NTN1: variants seen among roughly 807,000 people sequenced by gnomAD.
NTN1 encodes netrin-1.
In NTN1, 11 loss-of-function variants were observed where a neutral mutation model predicts 54.2. The ratio of observed to expected loss-of-function variants is 0.20; its 90% CI spans 0.13 to 0.34. NTN1 has a LOEUF of 0.34. Ranked by LOEUF, NTN1 falls within the 10% of genes least tolerant of loss-of-function variation. NTN1 has a pLI of 1.00. For missense variants in NTN1, 740 were observed against 893.1 expected (o/e 0.83, Z 2.18); for synonymous variants, 371 against 382.0 (o/e 0.97, Z 0.33).
intron 2 of NTN1, among the ~76,000 whole-genome samples, chr17:9,062,186 A>G (rs2092001020): frequency 6.6e-6 from 1 of 152,190 alleles, no homozygotes; most frequent in African/African-American, 2.4e-5. Flanking sequence ...GGGCATTGTA[A>G]TATTTTGATG....
chr17:9,022,312 C>A lies in NTN1; in HGVS notation c.-62C>A, dbSNP rs962908895. ...AGCGCAGCTCCCTTCTCTCCGCAGG[C>A]GCCTTCTGCGGCAGGCGGACAGATC... On this transcript the variant is annotated splice_region_variant and 5_prime_UTR_variant, in exon 2 of 7. Transcript: ENST00000173229. The A allele has an allele frequency of 1.0e-5, 13 of 1,260,282 alleles. No homozygotes were observed. The highest frequency in any genetic ancestry group is 1.6e-5 in the African/African-American group (1 of 64,040). The allele number at this position is 1,260,282 out of a possible 1,614,324, so 78.1% of individuals were successfully genotyped here. A position where few individuals can be genotyped will look rare whatever the true frequency, so the allele number is the denominator to read the frequency against.
intron 3 of NTN1, chr17:9,171,263 C>A (rs1014897937): frequency 2.0e-5 from 3 of 152,134 alleles, no homozygotes; most frequent in African/African-American, 4.8e-5. Context: ...CATTGGATTG[C>A]GGATGACCTA....
rs77098656 is a variant in NTN1, at chr17:9,045,506, T to C, written c.1018+22115T>C. ...CTTCACGCCTGCCTCCATTTCTCCT[T>C]ATCCTTCTGCCAAGGGGTGATTAAT... is the stretch of plus-strand genomic sequence containing the variant. On this transcript the variant is annotated intron_variant, in intron 2 of 6. Transcript: ENST00000173229. 1.0e-2 allele frequency among the ~76,000 whole-genome samples: 1,519 copies of C among 152,298 alleles called. 26 individuals carry two copies. Among genetic ancestry groups the C allele is most frequent in the African/African-American group, 0.032 (1,337 of 41,556 alleles).
At chr17:9,092,319 C>CTTTTTTTTT (rs148786553) in intron 2 of NTN1, among the ~76,000 whole-genome samples, 6 of 91,710 alleles carry the variant, frequency 6.5e-5, no homozygotes, top group Non-Finnish European at 1.0e-4. Context: ...CTTTTCTTCT[C>CTTTTTTTTT]TTTTTTTTTT....
intron 2 of NTN1, among the ~76,000 whole-genome samples, chr17:9,031,632 T>C (rs1327752741): frequency 6.6e-6 from 1 of 152,166 alleles, no homozygotes; most frequent in African/African-American, 2.4e-5. Context: ...GTGGCTCTGT[T>C]TGGTCTGGGC....
intron 2 of NTN1, among the ~76,000 whole-genome samples, chr17:9,060,874 G>C (rs1389404719): frequency 6.6e-5 from 10 of 150,874 alleles, no homozygotes; most frequent in Non-Finnish European, 1.5e-5. Flanking sequence ...TACTCGGGAG[G>C]CTGAGGCAGG....
At chr17:9,164,236 C>G (rs1473613998) in intron 3 of NTN1, among the ~76,000 whole-genome samples, 1 of 152,148 alleles carries the variant, frequency 6.6e-6, no homozygotes, top group Non-Finnish European at 1.5e-5. Flanking sequence ...ACCAGCCTGC[C>G]TAACATGGTG....
At chr17:9,162,696 C>T (rs1272647074) in intron 2 of NTN1, 117 bp from the exon 3 acceptor site, 7 of 953,546 alleles carry the variant, frequency 7.3e-6, no homozygotes, top group Non-Finnish European at 1.1e-5. Context: ...AGTCTGCCTG[C>T]CTGGCTCTGC....
At chr17:9,032,680 G>C (rs988042003) in intron 2 of NTN1, among the ~76,000 whole-genome samples, 4 of 152,208 alleles carry the variant, frequency 2.6e-5, no homozygotes, top group Admixed American at 2.6e-4. Flanking sequence ...TCTGAAACGT[G>C]AAAGTACCTT....
chr17:9,223,543 T>G (rs1597546576), intron 6 of NTN1, among the ~76,000 whole-genome samples: 1 of 142,686 alleles, frequency 7.0e-6, no homozygotes, highest in Non-Finnish European at 1.6e-5. Context: ...GGCGACAGAG[T>G]GAGACTCTGT....
At chr17:9,196,500 T>C (rs1904638066) in intron 5 of NTN1, among the ~76,000 whole-genome samples, 1 of 152,202 alleles carries the variant, frequency 6.6e-6, no homozygotes, top group South Asian at 2.1e-4. Flanking sequence ...TCGGCAGCTC[T>C]CTCCCTCTGC....
intron 2 of NTN1, among the ~76,000 whole-genome samples, chr17:9,139,117 G>T (rs748521476): frequency 6.6e-6 from 1 of 152,134 alleles, no homozygotes; most frequent in South Asian, 2.1e-4. Flanking sequence ...ATAGTCTTTC[G>T]TGGAGGGGCT....
chr17:9,203,216 C>T lies in NTN1; in HGVS notation c.1412-17952C>T, dbSNP rs533624804. Among the ~76,000 whole-genome samples, 7 of 152,256 alleles carry T rather than the reference C, an allele frequency of 4.6e-5. No homozygotes were observed. In the South Asian group the frequency reaches 1.0e-3, roughly 23 times the overall value. On this transcript the variant is annotated intron_variant, in intron 5 of 6. Transcript: ENST00000173229. ...GATTACAGGTGTGAGCCACCATGCC[C>T]GGCTGGTTTCATAATTTTCTGCCTC...
In NTN1 at chr17:9,022,578, A is replaced by G. The variant is rs1453062498; in HGVS notation, c.205A>G (p.Thr69Ala). The change falls in exon 2 of 7, where the codon ACC (threonine) becomes GCC (alanine). Residue 69 changes from threonine to alanine, a missense_variant. Transcript: ENST00000173229. ...AFGKDVRVSS[T>A]CGRPPARYCV... ...CGGCAAGGACGTGCGCGTGTCCAGC[A>G]CCTGCGGCCGGCCCCCGGCGCGCTA... 6.5e-7 allele frequency: 1 copy of G among 1,546,212 alleles called. No individual in the cohort carries two copies. Among genetic ancestry groups the G allele is most frequent in the South Asian group, 1.2e-5 (1 of 84,034 alleles).
chr17:9,120,284 C>CAAAAAA (rs35302549), intron 2 of NTN1, among the ~76,000 whole-genome samples: 1 of 98,374 alleles, frequency 1.0e-5, no homozygotes, highest in African/African-American at 3.9e-5. Context: ...GACTCCGTCT[C>CAAAAAA]AAAAAAAAAA....
intron 2 of NTN1, among the ~76,000 whole-genome samples, chr17:9,027,435 G>C (rs2091874865): frequency 6.6e-6 from 1 of 152,156 alleles, no homozygotes; most frequent in Admixed American, 6.5e-5. Flanking sequence ...TAGCTACTGG[G>C]TGGTGAAGCT....
intron 2 of NTN1, among the ~76,000 whole-genome samples, chr17:9,155,196 T>C (rs1027548741): frequency 6.6e-6 from 1 of 152,158 alleles, no homozygotes; most frequent in Non-Finnish European, 1.5e-5. Context: ...ACTGTCCATC[T>C]TCCCCTGAGC....
At chr17:9,202,917 AT>A (rs1174257601) in intron 5 of NTN1, among the ~76,000 whole-genome samples, 5 of 151,262 alleles carry the variant, frequency 3.3e-5, no homozygotes, top group Admixed American at 6.6e-5. Flanking sequence ...TTTTTTTCTT[AT>A]TTTTTTATTT....
At chr17:9,158,005 C>T (rs1163076640) in intron 2 of NTN1, among the ~76,000 whole-genome samples, 5 of 152,106 alleles carry the variant, frequency 3.3e-5, no homozygotes, top group African/African-American at 7.2e-5. Context: ...TGTGTGGAGC[C>T]GAGGGATCCA....
Sources: gnomAD v4.1 joint callset for allele counts (sites outside exome capture counted in the v4.1 genomes callset) on GRCh38, gnomAD v4.1.1 for gene constraint, MANE v1.5 for transcripts, NCBI Gene and HGNC (gene_info 2026-07-23, HGNC 2026-07-21) for gene names.